Variants in C5orf63 observed in about 807,000 individuals in gnomAD.
The protein encoded by C5orf63 is glutaredoxin-like protein C5orf63.
Under a neutral mutation model 13.3 loss-of-function variants are expected in C5orf63, and 18 were observed. The observed-to-expected ratio is 1.36, with a 90% CI of 0.94 to 2.01. C5orf63 has a LOEUF of 2.01. Ranked by LOEUF, C5orf63 falls within the 30% of genes most tolerant of loss-of-function variation. The pLI, the probability that C5orf63 is intolerant of heterozygous loss-of-function variation, is 0.00. For missense variants in C5orf63, 118 were observed against 127.7 expected (o/e 0.92, Z 0.36); for synonymous variants, 38 against 44.7 (o/e 0.85, Z 0.60).
chr5:127,052,207 A>G (rs1753704571), intron 4 of C5orf63, among the ~76,000 whole-genome samples: 1 of 152,244 alleles, frequency 6.6e-6, no homozygotes, highest in African/African-American at 2.4e-5. Context: ...AATGAAATAA[A>G]ACATGTCCCA....
chr5:127,065,337 T>C (rs1580533784), intron 2 of C5orf63, among the ~76,000 whole-genome samples: 2 of 152,144 alleles, frequency 1.3e-5, no homozygotes, highest in East Asian at 3.8e-4. Context: ...CAGGAAATAC[T>C]GTAACAGGGC....
chr5:127,056,066 C>A (rs531849685), intron 3 of C5orf63, among the ~76,000 whole-genome samples: 1 of 152,300 alleles, frequency 6.6e-6, no homozygotes, highest in East Asian at 1.9e-4. Context: ...CTGTCCACCA[C>A]CCACTTCCCT....
intron 2 of C5orf63, among the ~76,000 whole-genome samples, chr5:127,070,077 G>C (rs1198346605): frequency 6.6e-6 from 1 of 152,046 alleles, no homozygotes; most frequent in Non-Finnish European, 1.5e-5. Context: ...ACTTCATTTT[G>C]TATAAGGCTT....
At chr5:127,070,719 A>G (rs1401661403) in intron 2 of C5orf63, among the ~76,000 whole-genome samples, 1 of 152,218 alleles carries the variant, frequency 6.6e-6, no homozygotes, top group African/African-American at 2.4e-5. Flanking sequence ...ACTTTCAAAC[A>G]GATACTCTTC....
At chr5:127,063,314 A>G (rs2126895283) in intron 2 of C5orf63, among the ~76,000 whole-genome samples, 1 of 152,358 alleles carries the variant, frequency 6.6e-6, no homozygotes, top group South Asian at 2.1e-4. Flanking sequence ...AGGGCACACC[A>G]TTAAGGCAAC....
At chr5:127,062,537 C>T (rs560998939) in intron 2 of C5orf63, among the ~76,000 whole-genome samples, 207 of 152,006 alleles carry the variant, frequency 1.4e-3, no homozygotes, top group African/African-American at 4.7e-3. Flanking sequence ...TGCTAAAATT[C>T]CTTAATTTCT....
downstream of C5orf63, among the ~76,000 whole-genome samples, chr5:127,050,689 G>A (rs555089919): frequency 6.6e-6 from 1 of 152,106 alleles, no homozygotes; most frequent in Non-Finnish European, 1.5e-5. Flanking sequence ...ATATAAAATG[G>A]GAGTGGGACT....
At chr5:127,045,495 C>A (rs1753503370) in exon 5 of C5orf63, 1 of 152,138 alleles carries the variant, frequency 6.6e-6, no homozygotes, top group Non-Finnish European at 1.5e-5. Flanking sequence ...ATAGAGACAC[C>A]TGTGATTACA....
intron 2 of C5orf63, among the ~76,000 whole-genome samples, chr5:127,066,115 T>C (rs931353844): frequency 6.6e-6 from 1 of 151,802 alleles, no homozygotes; most frequent in African/African-American, 2.4e-5. Flanking sequence ...TGAGGACAAA[T>C]GATTTATTGA....
At position 127,057,916 on chromosome 5, in the gene C5orf63, C is replaced by T. The variant is rs533383813; in HGVS notation, c.114+966G>A. Among the ~76,000 whole-genome samples, 4 of 152,208 alleles carry T rather than the reference C, an allele frequency of 2.6e-5. No individual in the cohort carries two copies. In the East Asian group the frequency reaches 7.7e-4, roughly 29 times the overall value. ...CTAAGCACAAGAAGACTGTGATGTG[C>T]CTTATGGAGAAAATACATGTGTTCG... On this transcript the variant is annotated intron_variant, in intron 3 of 4. Coordinates refer to ENST00000296662, the MANE Select transcript of C5orf63 (RefSeq NM_001164478.2).
At chr5:127,066,389 T>C (rs1160141109) in intron 2 of C5orf63, among the ~76,000 whole-genome samples, 3 of 152,062 alleles carry the variant, frequency 2.0e-5, no homozygotes, top group African/African-American at 7.2e-5. Context: ...GGGACGCAGG[T>C]AGAAGGCTAC....
chr5:127,064,489 G>A (rs1754244617), intron 2 of C5orf63, among the ~76,000 whole-genome samples: 1 of 152,160 alleles, frequency 6.6e-6, no homozygotes, highest in African/African-American at 2.4e-5. Context: ...GTCACGCTCA[G>A]CTTCATTCTG....
chr5:127,063,181 T>A (rs1754173962), intron 2 of C5orf63, among the ~76,000 whole-genome samples: 1 of 152,192 alleles, frequency 6.6e-6, no homozygotes, highest in African/African-American at 2.4e-5. Flanking sequence ...CTGAGGCTGA[T>A]TTCAGTGGTC....
At chr5:127,043,814 T>G (rs145206725), downstream of C5orf63, 355 of 152,350 alleles carry the variant, frequency 2.3e-3, 2 homozygotes, top group African/African-American at 6.6e-3. Context: ...GGATTAAGTC[T>G]TTCTGAATAT....
At chr5:127,067,148 T>C (rs915069536) in intron 2 of C5orf63, among the ~76,000 whole-genome samples, 2 of 152,100 alleles carry the variant, frequency 1.3e-5, no homozygotes, top group Non-Finnish European at 2.9e-5. Flanking sequence ...CTGGTGAAGA[T>C]GGAGTGGGAA....
chr5:127,061,368 A>G (rs2126892824), intron 2 of C5orf63, among the ~76,000 whole-genome samples: 1 of 152,310 alleles, frequency 6.6e-6, no homozygotes, highest in African/African-American at 2.4e-5. Context: ...AAGACCACAG[A>G]ACAAAAAGAC....
chr5:127,054,365 G>T (rs565222624), intron 3 of C5orf63, among the ~76,000 whole-genome samples: 89 of 152,148 alleles, frequency 5.8e-4, no homozygotes, highest in Non-Finnish European at 9.3e-4. Flanking sequence ...GCATAAAAGC[G>T]TTCCTGTTTC....
At chr5:127,056,636 TATAAG>T (rs1423419431) in intron 3 of C5orf63, 1 of 152,224 alleles carries the variant, frequency 6.6e-6, no homozygotes, top group Non-Finnish European at 1.5e-5. Context: ...TTATGGGAGC[TATAAG>T]ATGAGATTTG....
downstream of C5orf63, chr5:127,046,903 G>A (rs1193729084): frequency 6.6e-6 from 1 of 152,294 alleles, no homozygotes; most frequent in Non-Finnish European, 1.5e-5. Context: ...GAACAAGGAA[G>A]AAAATAAGCC....
Sources: gnomAD v4.1 joint callset for allele counts (sites outside exome capture counted in the v4.1 genomes callset) on GRCh38, gnomAD v4.1.1 for gene constraint, MANE v1.5 for transcripts, NCBI Gene and HGNC (gene_info 2026-07-23, HGNC 2026-07-21) for gene names.